The following SPMAP2L variants were observed in gnomAD, a reference collection of about 807,000 sequenced individuals.
SPMAP2L encodes sperm microtubule associated protein 2-like.
chr4:56,538,738 G>A, the SPMAP2L span, among the ~76,000 whole-genome samples: 1 of 152,286 alleles, frequency 6.6e-6, no homozygotes, highest in African/African-American at 2.4e-5. Context: ...GGGAGGTGGA[G>A]GTTGCAGTGA....
At chr4:56,583,696 C>T in the SPMAP2L span, among the ~76,000 whole-genome samples, 1 of 152,166 alleles carries the variant, frequency 6.6e-6, no homozygotes, top group African/African-American at 2.4e-5. Flanking sequence ...ACAGAGGAGA[C>T]TGGCCATTGC....
the SPMAP2L span, among the ~76,000 whole-genome samples, chr4:56,569,721 C>T: frequency 2.0e-5 from 3 of 151,988 alleles, no homozygotes; most frequent in African/African-American, 7.2e-5. Flanking sequence ...GTGGGAGGAT[C>T]ACTTGAGCCT....
At chr4:56,593,576 G>C in the SPMAP2L span, 1 of 1,603,184 alleles carries the variant, frequency 6.2e-7, no homozygotes, top group Non-Finnish European at 8.5e-7. Context: ...GCCACCGGGA[G>C]AATTTGGGGT....
the SPMAP2L span, among the ~76,000 whole-genome samples, chr4:56,575,141 C>T: frequency 4.0e-5 from 6 of 151,364 alleles, no homozygotes; most frequent in African/African-American, 4.9e-5. Flanking sequence ...ACCAGCTACT[C>T]GGGAGGCTGA....
At chr4:56,539,407 C>T in the SPMAP2L span, among the ~76,000 whole-genome samples, 1 of 151,932 alleles carries the variant, frequency 6.6e-6, no homozygotes, top group Non-Finnish European at 1.5e-5. Context: ...GCAACAATAA[C>T]CTCTTTTTAT....
chr4:56,592,507 C>CCCGCGAGCGTCCATCCATCTGT, the SPMAP2L span, among the ~76,000 whole-genome samples: 1 of 152,248 alleles, frequency 6.6e-6, no homozygotes, highest in Non-Finnish European at 1.5e-5. Context: ...CCATTCATTG[C>CCCGCGAGCGTCCATCCATCTGT]CCGCGAGCGT....
chr4:56,614,975 C>A, the SPMAP2L span, among the ~76,000 whole-genome samples: 1 of 152,098 alleles, frequency 6.6e-6, no homozygotes, highest in Non-Finnish European at 1.5e-5. Flanking sequence ...ATGAGGAGCC[C>A]CAGAAGCTTA....
At chr4:56,532,636 A>G in the SPMAP2L span, among the ~76,000 whole-genome samples, 3 of 152,146 alleles carry the variant, frequency 2.0e-5, no homozygotes, top group South Asian at 4.1e-4. Flanking sequence ...AGAGTTGTCT[A>G]TACTCACTGA....
the SPMAP2L span, among the ~76,000 whole-genome samples, chr4:56,605,700 G>A: frequency 5.9e-5 from 9 of 152,174 alleles, no homozygotes; most frequent in African/African-American, 1.9e-4. Context: ...ACCCCCTTTC[G>A]TGAGGAGTTG....
the SPMAP2L span, among the ~76,000 whole-genome samples, chr4:56,564,318 T>C: frequency 6.6e-6 from 1 of 152,004 alleles, no homozygotes; most frequent in East Asian, 1.9e-4. Flanking sequence ...CTTTGTATTT[T>C]TAGTAGAGAC....
chr4:56,596,137 C>A, the SPMAP2L span, among the ~76,000 whole-genome samples: 1 of 152,004 alleles, frequency 6.6e-6, no homozygotes, highest in Non-Finnish European at 1.5e-5. Context: ...TTTTGTATAC[C>A]CTGAAGAACT....
the SPMAP2L span, among the ~76,000 whole-genome samples, chr4:56,545,438 CTAA>C: frequency 6.6e-6 from 1 of 152,104 alleles, no homozygotes; most frequent in Non-Finnish European, 1.5e-5. Context: ...TAACATTTTA[CTAA>C]TAATTTTCAT....
the SPMAP2L span, chr4:56,593,143 T>C: frequency 2.9e-5 from 45 of 1,574,042 alleles, no homozygotes; most frequent in East Asian, 8.5e-4. Flanking sequence ...CCCAGTATAC[T>C]CCATACCAGC....
the SPMAP2L span, among the ~76,000 whole-genome samples, chr4:56,608,370 C>T: frequency 6.6e-6 from 1 of 152,072 alleles, no homozygotes; most frequent in Non-Finnish European, 1.5e-5. Context: ...AAGAGTGTGA[C>T]CAAGAGAATG....
the SPMAP2L span, among the ~76,000 whole-genome samples, chr4:56,576,875 T>C: frequency 6.6e-6 from 1 of 152,220 alleles, no homozygotes; most frequent in Non-Finnish European, 1.5e-5. Context: ...TGCCCTTTAG[T>C]TAAAACATTT....
the SPMAP2L span, among the ~76,000 whole-genome samples, chr4:56,558,739 C>T: frequency 6.6e-6 from 1 of 152,306 alleles, no homozygotes; most frequent in Admixed American, 6.5e-5. Flanking sequence ...GTTATTACCA[C>T]TGATAATGGC....
chr4:56,597,900 T>C, the SPMAP2L span, among the ~76,000 whole-genome samples: 140 of 152,282 alleles, frequency 9.2e-4, 1 homozygote, highest in African/African-American at 2.9e-3. Context: ...TCTTGCTCTG[T>C]CACCCAGGCT....
chr4:56,604,716 A>C, the SPMAP2L span, among the ~76,000 whole-genome samples: 1 of 152,182 alleles, frequency 6.6e-6, no homozygotes, highest in East Asian at 1.9e-4. Context: ...TGTTTAAAGC[A>C]GCACAATTCA....
chr4:56,572,832 A>T, the SPMAP2L span, among the ~76,000 whole-genome samples: 1 of 152,150 alleles, frequency 6.6e-6, no homozygotes, highest in Admixed American at 6.6e-5. Context: ...CCTGGCCAAC[A>T]TGGCAAAACC....
Sources: allele counts gnomAD v4.1 joint callset (sites outside exome capture counted in the v4.1 genomes callset), GRCh38; gene constraint gnomAD v4.1.1; transcripts MANE v1.5; gene names NCBI Gene and HGNC (gene_info 2026-07-23, HGNC 2026-07-21).